Variants in SYT1 observed in about 807,000 individuals in gnomAD.
The protein encoded by SYT1 is synaptotagmin-1.
In SYT1, 8 loss-of-function variants were observed where a neutral mutation model predicts 44.8. That is an observed-to-expected ratio of 0.18 (90% CI 0.10 to 0.32). The LOEUF (loss-of-function observed/expected upper bound fraction) is 0.32. Among genes scored for constraint, SYT1 ranks in the 10% least tolerant of loss-of-function variants. SYT1 has a pLI of 1.00. For missense variants in SYT1, 286 were observed against 509.3 expected (o/e 0.56, Z 4.22); for synonymous variants, 154 against 188.8 (o/e 0.82, Z 1.51).
chr12:79,302,257 A>G (rs1880186640), intron 8 of SYT1, among the ~76,000 whole-genome samples: 1 of 152,196 alleles, frequency 6.6e-6, no homozygotes, highest in Non-Finnish European at 1.5e-5. Flanking sequence ...GAGAAAAAGG[A>G]GTTCAAGGAA....
At chr12:78,994,028 G>A (rs181750194) in intron 2 of SYT1, among the ~76,000 whole-genome samples, 10 of 152,316 alleles carry the variant, frequency 6.6e-5, no homozygotes, top group Admixed American at 5.9e-4. Flanking sequence ...TGCCTACAAA[G>A]TGACCCAAAA....
At chr12:79,190,626 C>G (rs1405098879) in intron 3 of SYT1, among the ~76,000 whole-genome samples, 1 of 152,164 alleles carries the variant, frequency 6.6e-6, no homozygotes, top group South Asian at 2.1e-4. Flanking sequence ...GATTAATGAT[C>G]TCCTTTCAGA....
At chr12:79,294,488 A>G (rs980438845) in intron 6 of SYT1, among the ~76,000 whole-genome samples, 6 of 152,118 alleles carry the variant, frequency 3.9e-5, no homozygotes, top group African/African-American at 1.4e-4. Context: ...TCTAATTAAG[A>G]CGCTTTCATG....
chr12:79,381,062 G>T (rs1194302826), intron 9 of SYT1, among the ~76,000 whole-genome samples: 1 of 152,168 alleles, frequency 6.6e-6, no homozygotes, highest in Non-Finnish European at 1.5e-5. Context: ...ATAGGGCTTA[G>T]AGACTCTGAA....
At position 79,347,268 on chromosome 12, in the gene SYT1, T is replaced by C. The variant is rs74706263; in HGVS notation, c.811-6234T>C. 1.4e-3 allele frequency among the ~76,000 whole-genome samples: 219 copies of C among 152,276 alleles called. 5 individuals carry two copies. The East Asian group carries it at 0.033, about 23-fold the overall frequency. On this transcript the variant is annotated intron_variant, in intron 8 of 10. Transcript: ENST00000261205. ...TTAACTGGGCTGTCAGGAGTGTTGA[T>C]GGCTTATAGCTCATAACTGAGTTCC...
At chr12:79,245,587 G>A (rs993539521) in intron 4 of SYT1, among the ~76,000 whole-genome samples, 2 of 150,990 alleles carry the variant, frequency 1.3e-5, no homozygotes, top group Non-Finnish European at 2.9e-5. Flanking sequence ...GCAAAGCATC[G>A]TGGCAAAAAG....
intron 8 of SYT1, among the ~76,000 whole-genome samples, chr12:79,345,998 A>C (rs1481676553): frequency 6.6e-6 from 1 of 152,224 alleles, no homozygotes; most frequent in Non-Finnish European, 1.5e-5. Context: ...CTTACAATTA[A>C]CATAAATAGA....
chr12:79,390,388 G>A (rs2136092124), intron 9 of SYT1, among the ~76,000 whole-genome samples: 1 of 152,114 alleles, frequency 6.6e-6, no homozygotes. Flanking sequence ...TTTTGTTATT[G>A]TTTGTTTTCA....
chr12:79,132,674 CAAAAAAAAAAAA>C (rs71091641), intron 3 of SYT1, among the ~76,000 whole-genome samples: 1 of 43,716 alleles, frequency 2.3e-5, no homozygotes, highest in Non-Finnish European at 4.3e-5. Context: ...GGAGTTTTCT[CAAAAAAAAAAAA>C]AAAAAAAAAA....
chr12:79,142,707 C>T (rs1869637271), intron 3 of SYT1, among the ~76,000 whole-genome samples: 1 of 152,176 alleles, frequency 6.6e-6, no homozygotes, highest in African/African-American at 2.4e-5. Context: ...TAAGAACTCT[C>T]ATTTGTCTTT....
intron 4 of SYT1, among the ~76,000 whole-genome samples, chr12:79,283,961 T>C (rs902212824): frequency 6.6e-6 from 1 of 151,712 alleles, no homozygotes; most frequent in East Asian, 1.9e-4. Context: ...GCAAAGAGAG[T>C]AGATTTTCTC....
intron 4 of SYT1, among the ~76,000 whole-genome samples, chr12:79,230,235 C>T (rs533353203): frequency 6.6e-6 from 1 of 152,246 alleles, no homozygotes; most frequent in East Asian, 1.9e-4. Context: ...CTAATGTCCA[C>T]CTAGCCTTTA....
intron 1 of SYT1, among the ~76,000 whole-genome samples, chr12:78,955,745 TG>T (rs1286990322): frequency 6.6e-6 from 1 of 151,774 alleles, no homozygotes; most frequent in Non-Finnish European, 1.5e-5. Flanking sequence ...CTTTTTTTTT[TG>T]CCCTTAACCT....
rs552321548 is a variant in SYT1, at chr12:79,040,995, G to A, written c.-83-6302G>A. Reference sequence around the variant, plus strand: ...TCCATTGATCTATATCTCTGTTTTGGTACCAGTACCCTGCTGTTTTGGTTA... The same window carrying A: ...TCCATTGATCTATATCTCTGTTTTGATACCAGTACCCTGCTGTTTTGGTTA... On this transcript the variant is annotated intron_variant, in intron 2 of 10. Coordinates refer to ENST00000261205, the MANE Select transcript of SYT1 (RefSeq NM_005639.3). Among the ~76,000 whole-genome samples, 1,172 of 152,064 alleles carry A rather than the reference G, an allele frequency of 7.7e-3. 56 individuals carry two copies. Among genetic ancestry groups the A allele is most frequent in the Admixed American group, 0.07 (1,067 of 15,268 alleles).
intron 3 of SYT1, among the ~76,000 whole-genome samples, chr12:79,200,569 GA>G (rs983078575): frequency 1.4e-4 from 22 of 152,220 alleles, no homozygotes; most frequent in South Asian, 4.1e-4. Context: ...TCCGCTCCCA[GA>G]AAAATTCCTC....
chr12:79,181,011 C>G (rs1401626218), intron 3 of SYT1, among the ~76,000 whole-genome samples: 1 of 152,080 alleles, frequency 6.6e-6, no homozygotes, highest in African/African-American at 2.4e-5. Flanking sequence ...TCTGCATTCT[C>G]CTTGCTGCCG....
At chr12:79,018,822 C>T (rs1051672504) in intron 2 of SYT1, among the ~76,000 whole-genome samples, 10 of 151,856 alleles carry the variant, frequency 6.6e-5, no homozygotes, top group Admixed American at 2.0e-4. Context: ...ATCTCAGTTC[C>T]GTGAATTAGT....
intron 3 of SYT1, among the ~76,000 whole-genome samples, chr12:79,123,205 A>G (rs1868308205): frequency 6.6e-6 from 1 of 152,102 alleles, no homozygotes. Context: ...CTAAGTGCCC[A>G]TCTATCTAAA....
intron 8 of SYT1, among the ~76,000 whole-genome samples, chr12:79,340,944 G>A (rs1882343346): frequency 6.6e-6 from 1 of 152,084 alleles, no homozygotes; most frequent in Non-Finnish European, 1.5e-5. Context: ...CTCTATAGTG[G>A]TCCTTCCTAA....
Sources: allele counts gnomAD v4.1 joint callset (sites outside exome capture counted in the v4.1 genomes callset), GRCh38; gene constraint gnomAD v4.1.1; transcripts MANE v1.5; gene names NCBI Gene and HGNC (gene_info 2026-07-23, HGNC 2026-07-21).